The following GPT variants were observed in gnomAD, a reference collection of about 807,000 sequenced individuals.
GPT encodes alanine aminotransferase 1.
GPT carries 60 observed loss-of-function variants against 51.4 expected under a neutral mutation model. That is an observed-to-expected ratio of 1.17 (90% CI 0.95 to 1.45). The LOEUF (loss-of-function observed/expected upper bound fraction) is 1.45. Ranked by LOEUF, GPT falls within the 40% of genes most tolerant of loss-of-function variation. The pLI is 0.00. For synonymous variants in GPT, 397 were observed against 303.1 expected (o/e 1.31, Z -3.22); for missense variants, 853 against 704.0 (o/e 1.21, Z -2.40).
In GPT at chr8:144,504,252, C is replaced by T. The variant is rs904276884; in HGVS notation, c.-53C>T. ...CCAGACCCAGCTGTCGCCATTCCCA[C>T]TTCTGGTCCTGCCACCTCCTGAGCT... On this transcript the variant is annotated 5_prime_UTR_variant, in exon 1 of 11. Transcript: ENST00000394955. The T allele has an allele frequency of 9.1e-5, 144 of 1,587,564 alleles. No individual in the cohort carries two copies. Among genetic ancestry groups the T allele is most frequent in the Non-Finnish European group, 1.2e-4 (141 of 1,172,186 alleles).
Position 144,504,770 on chromosome 8 carries a change from G to A in GPT, c.253-1G>A, listed in dbSNP as rs757926914. The A allele has an allele frequency of 1.2e-6, 2 of 1,612,674 alleles. No homozygotes were observed. Among genetic ancestry groups the A allele is most frequent in the East Asian group, 2.2e-5 (1 of 44,886 alleles). On this transcript the variant is annotated splice_acceptor_variant, in intron 2 of 10. Coordinates refer to ENST00000394955, the MANE Select transcript of GPT (RefSeq NM_005309.3). LOFTEE classifies it high-confidence loss of function. ...CTGGCCTCAGCACTCCGTCTTCCCA[G>A]GTCTTGGCCCTCTGTGTTAACCCTG...
chr8:144,505,367 A>G lies in GPT; in HGVS notation c.617A>G (p.Tyr206Cys). ...GAGCTGGGCGCAGTGCAGGTGGATTACTACCTGGACGAGGAGCGTGCCTGG... is the reference window on the plus strand; with the variant it reads ...GAGCTGGGCGCAGTGCAGGTGGATTGCTACCTGGACGAGGAGCGTGCCTGG... ...LAELGAVQVDYYLDEERAWAL... is the reference protein window; with the variant it reads ...LAELGAVQVDCYLDEERAWAL... The change falls in exon 5 of 11, where the codon TAC becomes TGC. Residue 206 changes from tyrosine (Y) to cysteine (C), a missense_variant. Tyr to Cys is a radical substitution (Grantham distance 194). Transcript: ENST00000394955. 6.3e-7 allele frequency: 1 copy of G among 1,584,382 alleles called. No homozygotes were observed. Among genetic ancestry groups the G allele is most frequent in the African/African-American group, 1.3e-5 (1 of 74,608 alleles).
chr8:144,507,058 A>G lies in GPT; in HGVS notation c.*58A>G. 1 of 796,454 alleles carries G rather than the reference A, an allele frequency of 1.3e-6. No homozygotes were observed. 49.3% of individuals were successfully genotyped at this position (796,454 alleles called of 1,614,324 possible). A position where few individuals can be genotyped will look rare whatever the true frequency, so the allele number is the denominator to read the frequency against. On this transcript the variant is annotated 3_prime_UTR_variant, in exon 11 of 11. Transcript: ENST00000394955. ...GGACTGTGTGCTCAGGAGCCCTGGG[A>G]GGCTCTGGAGCCCACTGTACTTGCT...
At chr8:144,503,272 G>A (rs1022353280), upstream of GPT, 1 of 152,236 alleles carries the variant, frequency 6.6e-6, no homozygotes, top group African/African-American at 2.4e-5. Context: ...CATGGTTCAG[G>A]TTTCGGTGCC....
chr8:144,504,472 G>A lies in GPT; in HGVS notation c.162+6G>A, dbSNP rs1288056359. Reference sequence around the variant, plus strand: ...TGGAGCAGGAGCTGCGCCAGGTATGGCCCAGGGCCCCTCGCTGCCCTCCAG... The same window carrying A: ...TGGAGCAGGAGCTGCGCCAGGTATGACCCAGGGCCCCTCGCTGCCCTCCAG... On this transcript the variant is annotated splice_donor_region_variant and intron_variant, in intron 1 of 10. Coordinates refer to ENST00000394955, the MANE Select transcript of GPT (RefSeq NM_005309.3). 1.9e-6 allele frequency: 3 copies of A among 1,608,552 alleles called. No individual in the cohort carries two copies. Among genetic ancestry groups the A allele is most frequent in the Non-Finnish European group, 2.5e-6 (3 of 1,179,256 alleles).
chr8:144,505,817 A>C, intron 5 of GPT, 31 bp from the exon 6 acceptor site: 1 of 1,536,474 alleles, frequency 6.5e-7, no homozygotes. Context: ...CCCTTGGCTC[A>C]CCCAGCACTG....
chr8:144,506,122 AC>A lies in GPT; in HGVS notation c.948del (p.Tyr316Ter). 1 of 1,612,130 alleles carries A rather than the reference AC, an allele frequency of 6.2e-7. No individual in the cohort carries two copies. The highest frequency in any genetic ancestry group is 1.6e-4 in the Middle Eastern group (1 of 6,062). ...TCCTTCCACTCCACCTCCAAGGGCT[AC>A]ATGGGCGAGTGCGTGCGTACGAGGC... ...LASFHSTSKG[Y>X]MGECGFRGGY... On this transcript the variant is annotated frameshift_variant, in exon 7 of 11. Transcript: ENST00000394955. LOFTEE classifies it high-confidence loss of function. This position sits in a 1 kb window ranked among gnomAD's most constrained non-coding sequence, Gnocchi z 7.0.
chr8:144,504,611 A>G lies in GPT; in HGVS notation c.170A>G (p.Lys57Arg), dbSNP rs764431793. 7 of 1,613,020 alleles carry G rather than the reference A, an allele frequency of 4.3e-6. No individual in the cohort carries two copies. Among genetic ancestry groups the G allele is most frequent in the Non-Finnish European group, 5.9e-6 (7 of 1,179,952 alleles). ...ELEQELRQGVKKPFTEVIRAN... is the reference protein window; with the variant it reads ...ELEQELRQGVRKPFTEVIRAN... Reference sequence around the variant, plus strand: ...GCTCCCCTCCCCTCCCAGGGTGTGAAGAAGCCTTTCACCGAGGTCATCCGT... The same window carrying G: ...GCTCCCCTCCCCTCCCAGGGTGTGAGGAAGCCTTTCACCGAGGTCATCCGT... The change falls in exon 2 of 11, where the codon AAG (lysine) becomes AGG (arginine). Residue 57 changes from lysine (K) to arginine (R), a missense_variant. Transcript: ENST00000394955.
chr8:144,505,930 G>A lies in GPT; in HGVS notation c.819+3G>A. On this transcript the variant is annotated splice_donor_region_variant and intron_variant, in intron 6 of 10. Coordinates refer to ENST00000394955, the MANE Select transcript of GPT (RefSeq NM_005309.3). ...GGCTCTTTCTGCTGGCGGACGAGGT[G>A]CGCGGCGCGGGGGAGCGGGAAGCCG... 2 of 1,609,722 alleles carry A rather than the reference G, an allele frequency of 1.2e-6. No homozygotes were observed. The highest frequency in any genetic ancestry group is 1.7e-6 in the Non-Finnish European group (2 of 1,178,746).
chr8:144,506,158 C>T lies in GPT; in HGVS notation c.956+27C>T. The T allele has an allele frequency of 6.2e-7, 1 of 1,604,732 alleles. No homozygotes were observed. The stretch of plus-strand genomic sequence containing the variant: ...TGCGTGCGTACGAGGCGGGTGGGGG[C>T]TCGCGGGCCATGGCCAGGCCCTCCT... On this transcript the variant is annotated intron_variant, in intron 7 of 10. Coordinates refer to ENST00000394955, the MANE Select transcript of GPT (RefSeq NM_005309.3). The surrounding 1 kb of genome is among the most constrained non-coding windows in gnomAD (Gnocchi z 7.0).
rs745388111 is a variant in GPT, at chr8:144,504,419, G to A, written c.115G>A (p.Gly39Ser). 2.5e-6 allele frequency: 4 copies of A among 1,611,284 alleles called. No individual in the cohort carries two copies. Among genetic ancestry groups the A allele is most frequent in the Non-Finnish European group, 3.4e-6 (4 of 1,179,944 alleles). The change falls in exon 1 of 11, where the codon GGC (glycine) becomes AGC (serine). Residue 39 changes from glycine (G) to serine (S), a missense_variant. Physicochemically the swap from Gly to Ser is moderately conservative, Grantham distance 56. Coordinates refer to ENST00000394955, the MANE Select transcript of GPT (RefSeq NM_005309.3). ...GCGGAGAGTGGAGTACGCAGTGCGT[G>A]GCCCCATAGTGCAGCGAGCCTTGGA... ...RVRRVEYAVR[G>S]PIVQRALELE...
In GPT at chr8:144,505,887, G is replaced by A. The variant is rs781567379; in HGVS notation, c.779G>A (p.Arg260His). The stretch of plus-strand genomic sequence containing the variant: ...CGCGAGTGCATCGAGGCCGTGATCC[G>A]CTTCGCCTTCGAAGAGCGGCTCTTT... ...QTRECIEAVI[R>H]FAFEERLFLL... Residue 260 changes from arginine to histidine, a missense_variant, in exon 6 of 11, where the codon CGC (arginine) becomes CAC (histidine). By Grantham distance (29) the Arg-to-His change is conservative (BLOSUM62 0). Coordinates refer to ENST00000394955, the MANE Select transcript of GPT (RefSeq NM_005309.3). 100 of 1,582,514 alleles carry A rather than the reference G, an allele frequency of 6.3e-5. No homozygotes were observed. Among genetic ancestry groups the A allele is most frequent in the Non-Finnish European group, 8.4e-5 (98 of 1,165,160 alleles).
rs771013930 is a variant in GPT, at chr8:144,504,280, C to T, written c.-25C>T. On this transcript the variant is annotated 5_prime_UTR_variant, in exon 1 of 11. Transcript: ENST00000394955. ...CTGGTCCTGCCACCTCCTGAGCTGC[C>T]TTCCCGCCTGGTCTGGGTAGAGTCA... 2.5e-6 allele frequency: 4 copies of T among 1,604,002 alleles called. No homozygotes were observed. The East Asian group carries it at 6.7e-5, about 27-fold the overall frequency.
At position 144,506,096 on chromosome 8, in the gene GPT, C is replaced by T. The variant is rs1256652483; in HGVS notation, c.921C>T (p.Ala307=). ...GPPYAGQQEL[A]SFHSTSKGYM... is the part of the protein sequence containing the mutation. ...CCTACGCCGGGCAGCAGGAGCTTGC[C>T]TCCTTCCACTCCACCTCCAAGGGCT... is the stretch of plus-strand genomic sequence containing the variant. The change falls in exon 7 of 11, where the codon GCC becomes GCT. Residue 307 remains alanine (A), a synonymous_variant. Coordinates refer to ENST00000394955, the MANE Select transcript of GPT (RefSeq NM_005309.3). This position sits in a 1 kb window ranked among gnomAD's most constrained non-coding sequence, Gnocchi z 7.0. 1.2e-6 allele frequency: 2 copies of T among 1,612,330 alleles called. No individual in the cohort carries two copies. Among genetic ancestry groups the T allele is most frequent in the East Asian group, 2.2e-5 (1 of 44,858 alleles).
chr8:144,506,695 G>GGGGGGGGGGGGGCCCC lies in GPT; in HGVS notation c.1288-36_1288-35insGGGGGGGGGGGGCCCC. On this transcript the variant is annotated intron_variant, in intron 9 of 10. Coordinates refer to ENST00000394955, the MANE Select transcript of GPT (RefSeq NM_005309.3). This position sits in a 1 kb window ranked among gnomAD's most constrained non-coding sequence, Gnocchi z 7.0. ...GGGGCCTGCGGGGTGGGCAGGGGGG[G>GGGGGGGGGGGGGCCCC]CCGGGCATCCCTCTCTGACGGCTCT... 6.7e-7 allele frequency: 1 copy of GGGGGGGGGGGGGCCCC among 1,498,268 alleles called. No individual in the cohort carries two copies. Among genetic ancestry groups the GGGGGGGGGGGGGCCCC allele is most frequent in the Non-Finnish European group, 9.2e-7 (1 of 1,082,382 alleles). The allele number at this position is 1,498,268 out of a possible 1,614,324, so 92.8% of individuals were successfully genotyped here.
chr8:144,506,206 T>C lies in GPT; in HGVS notation c.957-26T>C. ...CCTCGCCCGATGGGCCACCCCCTCC[T>C]CCGCACCTGACCTGGCCGTGCGCAG... On this transcript the variant is annotated intron_variant, in intron 7 of 10. Transcript: ENST00000394955. This position sits in a 1 kb window ranked among gnomAD's most constrained non-coding sequence, Gnocchi z 7.0. The C allele has an allele frequency of 6.2e-7, 1 of 1,603,260 alleles. No individual in the cohort carries two copies. Among genetic ancestry groups the C allele is most frequent in the South Asian group, 1.1e-5 (1 of 90,196 alleles).
rs767221297 is a variant in GPT at position 144,504,897 on chromosome 8, G to T, written c.361+18G>T. ...CAGTCTGGGTGAGAGCCAGGGCCAG[G>T]AGGAAGCAGAGGGCCGCCCTGCCAC... On this transcript the variant is annotated intron_variant, in intron 3 of 10. Coordinates refer to ENST00000394955, the MANE Select transcript of GPT (RefSeq NM_005309.3). 1.9e-6 allele frequency: 3 copies of T among 1,612,922 alleles called. No individual in the cohort carries two copies. The Admixed American group carries it at 5.0e-5, about 27-fold the overall frequency.
In GPT at chr8:144,506,167, C is replaced by A. The variant is rs1267461366; in HGVS notation, c.956+36C>A. ...ACGAGGCGGGTGGGGGCTCGCGGGCCATGGCCAGGCCCTCCTCGCCCGATG... is the reference window on the plus strand; with the variant it reads ...ACGAGGCGGGTGGGGGCTCGCGGGCAATGGCCAGGCCCTCCTCGCCCGATG... On this transcript the variant is annotated intron_variant, in intron 7 of 10. Coordinates refer to ENST00000394955, the MANE Select transcript of GPT (RefSeq NM_005309.3). This position sits in a 1 kb window ranked among gnomAD's most constrained non-coding sequence, Gnocchi z 7.0. 6.2e-7 allele frequency: 1 copy of A among 1,604,538 alleles called. No individual in the cohort carries two copies.
In GPT at chr8:144,505,357, C is replaced by G; in HGVS notation, c.607C>G (p.Gln203Glu). The G allele has an allele frequency of 6.3e-7, 1 of 1,580,008 alleles. No individual in the cohort carries two copies. Among genetic ancestry groups the G allele is most frequent in the African/African-American group, 1.3e-5 (1 of 74,508 alleles). The change falls in exon 5 of 11, where the codon CAG (glutamine) becomes GAG (glutamate). Residue 203 changes from glutamine to glutamate, a missense_variant. Coordinates refer to ENST00000394955, the MANE Select transcript of GPT (RefSeq NM_005309.3). ...CACGCTGGCAGAGCTGGGCGCAGTG[C>G]AGGTGGATTACTACCTGGACGAGGA... ...SATLAELGAV[Q>E]VDYYLDEERA...
Sources: allele counts gnomAD v4.1 joint callset, GRCh38; gene constraint gnomAD v4.1.1; non-coding constraint Gnocchi (gnomAD v3.1); transcripts MANE v1.5; gene names NCBI Gene and HGNC (gene_info 2026-07-23, HGNC 2026-07-21).